CEP152: variants seen among roughly 807,000 people sequenced by gnomAD.
The protein encoded by CEP152 is centrosomal protein of 152 kDa.
CEP152 carries 132 observed loss-of-function variants against 188.9 expected under a neutral mutation model. The observed-to-expected ratio is 0.70, with a 90% confidence interval of 0.61 to 0.81. The LOEUF is 0.81. CEP152 is among the 30% of genes least tolerant of loss of function. CEP152 has a pLI of 0.00. For missense variants in CEP152, 1,914 were observed against 1,969.8 expected (o/e 0.97, Z 0.54); for synonymous variants, 649 against 666.6 (o/e 0.97, Z 0.41).
intron 2 of CEP152, chr15:48,729,160 C>T (rs984972489): frequency 2.6e-5 from 4 of 152,074 alleles, no homozygotes; most frequent in Non-Finnish European, 4.4e-5. Flanking sequence ...GTGGTAAGTC[C>T]TCAGCTTGAA....
chr15:48,809,993 G>A (rs1313062784), intron 1 of CEP152, among the ~76,000 whole-genome samples: 1 of 152,172 alleles, frequency 6.6e-6, no homozygotes, highest in South Asian at 2.1e-4. Context: ...TGCACTTTCA[G>A]ACTGTATTTC....
chr15:48,737,866 T>A (rs967496367), downstream of CEP152: 2 of 171,978 alleles, frequency 1.2e-5, no homozygotes, highest in Non-Finnish European at 2.5e-5. Flanking sequence ...TGTTTTTTTC[T>A]GGGTGAATTT....
chr15:48,807,577 AAAG>A (rs1269223322), intron 1 of CEP152, among the ~76,000 whole-genome samples: 1 of 152,014 alleles, frequency 6.6e-6, no homozygotes, highest in Non-Finnish European at 1.5e-5. Flanking sequence ...AAAAAAAAAA[AAAG>A]AGATGAAATT....
At chr15:48,792,854 T>G (rs1374046230) in intron 7 of CEP152, among the ~76,000 whole-genome samples, 3 of 151,622 alleles carry the variant, frequency 2.0e-5, no homozygotes, top group African/African-American at 7.3e-5. Context: ...TCTCACTCTG[T>G]CACCCAGCCT....
At chr15:48,758,247 C>T (rs1894416899) in intron 19 of CEP152, among the ~76,000 whole-genome samples, 1 of 152,238 alleles carries the variant, frequency 6.6e-6, no homozygotes. Context: ...ACTAATCACT[C>T]TAATCTTAAA....
chr15:48,797,751 T>G (rs1453346494), intron 3 of CEP152, 21 bp from the exon 4 acceptor site: 1 of 1,612,546 alleles, frequency 6.2e-7, no homozygotes, highest in Non-Finnish European at 8.5e-7. Context: ...AGGAATACTT[T>G]CGATTTAAAG....
chr15:48,741,715 T>A lies in CEP152; in HGVS notation c.3990-11A>T. ...ATCTTTTTCTCAGCCCTGTGGGGAA[T>A]TCCAGAATATTAAAAATATAGTTTA... On this transcript the variant is annotated splice_polypyrimidine_tract_variant and intron_variant, in intron 25 of 26. Coordinates refer to ENST00000380950, the MANE Select transcript of CEP152 (RefSeq NM_001194998.2). The A allele has an allele frequency of 6.2e-7, 1 of 1,613,936 alleles. No individual in the cohort carries two copies. The highest frequency in any genetic ancestry group is 8.5e-7 in the Non-Finnish European group (1 of 1,180,008).
intron 10 of CEP152, 22 bp from the exon 11 acceptor site, chr15:48,782,252 G>C: frequency 6.2e-7 from 1 of 1,606,998 alleles, no homozygotes; most frequent in Non-Finnish European, 8.5e-7. Context: ...AGAACCATAG[G>C]ATATACTGAA....
rs1446160774 is a variant in CEP152 at position 48,797,542 on chromosome 15, T to C, written c.299A>G (p.Lys100Arg). The C allele has an allele frequency of 6.2e-7, 1 of 1,614,124 alleles. No individual in the cohort carries two copies. The highest frequency in any genetic ancestry group is 2.2e-5 in the East Asian group (1 of 44,874). Residue 100 changes from lysine to arginine, a missense_variant, in exon 5 of 27, where the codon AAA becomes AGA. Transcript: ENST00000380950. ...NEIQSLYAGE[K>R]CGNVWEENRS... ...ATTTTCTTCCCAGACATTACCACAT[T>C]TTTCTCCAGCATATAAACTCTGAAT...
intron 22 of CEP152, among the ~76,000 whole-genome samples, chr15:48,747,311 G>T (rs530698610): frequency 1.9e-4 from 29 of 152,070 alleles, no homozygotes; most frequent in Admixed American, 7.2e-4. Flanking sequence ...TAGGACCCTG[G>T]CATTTTGTTT....
At chr15:48,744,188 T>A in intron 24 of CEP152, 52 bp downstream of exon 24, 3 of 1,602,944 alleles carry the variant, frequency 1.9e-6, no homozygotes, top group South Asian at 1.1e-5. Flanking sequence ...ACTTTAACAG[T>A]GATAATAAAA....
In CEP152 at chr15:48,772,561, C is replaced by G; in HGVS notation, c.1708G>C (p.Asp570His). ...ATTTTCTTATGACAGTCTTTGAGGT[C>G]ATTTTGTAACTGAGACACCAGATGA... is the stretch of plus-strand genomic sequence containing the variant. Reference protein sequence around the residue: ...KRHLVSQLQNDLKDCHKKIED... With the variant: ...KRHLVSQLQNHLKDCHKKIED... The change falls in exon 13 of 27, where the codon GAC becomes CAC. Residue 570 changes from aspartate (D) to histidine (H), a missense_variant. Coordinates refer to ENST00000380950, the MANE Select transcript of CEP152 (RefSeq NM_001194998.2). The G allele has an allele frequency of 2.5e-6, 4 of 1,614,026 alleles. No individual in the cohort carries two copies. The highest frequency in any genetic ancestry group is 1.6e-4 in the Middle Eastern group (1 of 6,062).
At position 48,741,986 on chromosome 15, in the gene CEP152, A is replaced by G. The variant is rs535583315; in HGVS notation, c.3950T>C (p.Ile1317Thr). Reference protein sequence around the residue: ...TARKMRKYYLICLQQILQDDG... With the variant: ...TARKMRKYYLTCLQQILQDDG... ...ATCCTGCAAAATCTGTTGGAGGCAA[A>G]TCAAATAATATTTGCGCATCTTTCG... The change falls in exon 25 of 27, where the codon ATT (isoleucine) becomes ACT (threonine). Residue 1317 changes from isoleucine to threonine, a missense_variant. Ile to Thr is a moderately conservative substitution (Grantham distance 89). Coordinates refer to ENST00000380950, the MANE Select transcript of CEP152 (RefSeq NM_001194998.2). The G allele has an allele frequency of 8.2e-5, 132 of 1,614,200 alleles. 2 individuals are homozygous for G. The South Asian group carries it at 1.4e-3, about 17-fold the overall frequency.
In CEP152 at chr15:48,756,177, C is replaced by A. The variant is rs199914670; in HGVS notation, c.3071G>T (p.Arg1024Leu). Reference sequence around the variant, plus strand: ...GGCTTCCTGCATAGTCCATTCTCTACGACTCTGGTCTAGACAAGTTTGTAA... The same window carrying A: ...GGCTTCCTGCATAGTCCATTCTCTAAGACTCTGGTCTAGACAAGTTTGTAA... Reference protein sequence around the residue: ...TELQTCLDQSRREWTMQEAKR... With the variant: ...TELQTCLDQSLREWTMQEAKR... The change falls in exon 20 of 27, where the codon CGT becomes CTT. Residue 1024 changes from arginine to leucine, a missense_variant. Coordinates refer to ENST00000380950, the MANE Select transcript of CEP152 (RefSeq NM_001194998.2). The A allele has an allele frequency of 4.2e-5, 67 of 1,614,042 alleles. No individual in the cohort carries two copies. In the African/African-American group the frequency reaches 7.9e-4, roughly 19 times the overall value.
intron 2 of CEP152, 122 bp downstream of exon 2, chr15:48,805,441 T>C: frequency 7.4e-7 from 1 of 1,356,310 alleles, no homozygotes; most frequent in Non-Finnish European, 9.8e-7. Flanking sequence ...TAGGGTTGTT[T>C]TTTTTTTAAA....
At chr15:48,743,020 TCCAA>T (rs1893109316) in intron 24 of CEP152, among the ~76,000 whole-genome samples, 1 of 152,110 alleles carries the variant, frequency 6.6e-6, no homozygotes, top group Non-Finnish European at 1.5e-5. Flanking sequence ...AAACAAAACC[TCCAA>T]CCAACTTTCT....
At chr15:48,759,983 A>C in intron 19 of CEP152, 152 bp downstream of exon 19, 1 of 972,890 alleles carries the variant, frequency 1.0e-6, no homozygotes, top group Non-Finnish European at 1.6e-6. Context: ...TGATGACAAG[A>C]ACACTTGCTA....
intron 2 of CEP152, 39 bp downstream of exon 2, chr15:48,805,524 G>A (rs1289087149): frequency 6.4e-7 from 1 of 1,569,360 alleles, no homozygotes; most frequent in East Asian, 2.3e-5. Context: ...TAAAGATTGG[G>A]TTTAGTGTCT....
intron 22 of CEP152, among the ~76,000 whole-genome samples, chr15:48,748,149 T>C (rs756256569): frequency 2.0e-5 from 3 of 152,192 alleles, no homozygotes; most frequent in Admixed American, 1.3e-4. Flanking sequence ...GAATTTTGTA[T>C]GATTTATTCA....
Sources: gnomAD v4.1 joint callset for allele counts (sites outside exome capture counted in the v4.1 genomes callset) on GRCh38, gnomAD v4.1.1 for gene constraint, MANE v1.5 for transcripts, NCBI Gene and HGNC (gene_info 2026-07-23, HGNC 2026-07-21) for gene names.